WRAP53: variants seen among roughly 807,000 people sequenced by gnomAD.
WRAP53 encodes the protein telomerase Cajal body protein 1.
Under a neutral mutation model 56.6 loss-of-function variants are expected in WRAP53, and 28 were observed. That is an observed-to-expected ratio of 0.50 (90% CI 0.37 to 0.68). The LOEUF (loss-of-function observed/expected upper bound fraction) is 0.68, where lower values mean the gene tolerates loss of function less well. Among genes scored for constraint, WRAP53 ranks in the 30% least tolerant of loss-of-function variants. The probability of loss-of-function intolerance (pLI) is 0.00; values close to 1 mark genes in which losing one functional copy is unlikely to be tolerated. For missense variants in WRAP53, 671 were observed against 715.5 expected, an observed-to-expected ratio of 0.94 and a Z score of 0.71; for synonymous variants, 283 against 283.4, an observed-to-expected ratio of 1.00 and a Z score of 0.01.
chr17:7,686,903 C>G (rs1250647553), upstream of WRAP53: 1 of 156,726 alleles, frequency 6.4e-6, no homozygotes, highest in African/African-American at 2.4e-5. Context: ...GCAGCTTGGG[C>G]TCCCCGGATC....
In WRAP53 at chr17:7,702,145, G is replaced by A. The variant is rs914560721; in HGVS notation, c.956-199G>A. ...AGAACTGGGATTTGAGAGGGATGAA[G>A]TGGGGCTTGGGCATTTAGGTCCTTT... is the stretch of plus-strand genomic sequence containing the variant. On this transcript the variant is annotated intron_variant, in intron 7 of 10. Transcript: ENST00000396463. This position sits in a 1 kb window ranked among gnomAD's most constrained non-coding sequence, Gnocchi z 5.0. The A allele has an allele frequency of 1.6e-5, 11 of 707,004 alleles. No homozygotes were observed. The Middle Eastern group carries it at 7.1e-4, about 45-fold the overall frequency. The allele number at this position is 707,004 out of a possible 1,614,324, so 43.8% of individuals were successfully genotyped here. A position where few individuals can be genotyped will look rare whatever the true frequency, so the allele number is the denominator to read the frequency against.
At chr17:7,696,574 T>A (rs541093244) in intron 4 of WRAP53, among the ~76,000 whole-genome samples, 4 of 152,196 alleles carry the variant, frequency 2.6e-5, no homozygotes, top group South Asian at 2.1e-4. Flanking sequence ...CTGGGATTAC[T>A]GGCGTGAGCC....
intron 4 of WRAP53, among the ~76,000 whole-genome samples, 200 bp downstream of exon 4, chr17:7,689,901 G>GT (rs1355077477): frequency 1.3e-5 from 2 of 152,110 alleles, no homozygotes; most frequent in Admixed American, 6.6e-5. Context: ...AGGAATCTGT[G>GT]TTTTTTGCTA....
Position 7,702,039 on chromosome 17 carries a change from G to A in WRAP53, c.955+250G>A. ...TACCCTGTCAGCTGTGGAGCTTTTG[G>A]TCTCTGAAATCTTTCTAGAAAATTG... On this transcript the variant is annotated intron_variant, in intron 7 of 10. Transcript: ENST00000396463. This position sits in a 1 kb window ranked among gnomAD's most constrained non-coding sequence, Gnocchi z 5.0. The A allele has an allele frequency of 1.3e-6, 1 of 744,716 alleles. No homozygotes were observed. The allele number at this position is 744,716 out of a possible 1,614,324, so 46.1% of individuals were successfully genotyped here.
intron 5 of WRAP53, 73 bp downstream of exon 5, chr17:7,700,902 G>A: frequency 1.8e-6 from 2 of 1,116,590 alleles, no homozygotes; most frequent in African/African-American, 1.5e-5. Context: ...GAGAGTCAAG[G>A]GCTGCCAGGG....
At chr17:7,687,286 C>A, upstream of WRAP53, 1 of 398,610 alleles carries the variant, frequency 2.5e-6, no homozygotes, top group South Asian at 1.3e-4. Context: ...CTGCCCCACC[C>A]CCAGCCCCAG....
upstream of WRAP53, chr17:7,686,141 A>G (rs1004245519): frequency 6.6e-6 from 1 of 152,226 alleles, no homozygotes; most frequent in African/African-American, 2.4e-5. Flanking sequence ...GACCACACGG[A>G]CGCCTGCGGG....
chr17:7,701,941 C>A lies in WRAP53; in HGVS notation c.955+152C>A. The stretch of plus-strand genomic sequence containing the variant: ...GCAGCCCAGTCGGCAGAGGAGCAAA[C>A]AGGCTCAGAGCAGGTAGGAAACCTT... On this transcript the variant is annotated intron_variant, in intron 7 of 10. Coordinates refer to ENST00000396463, the MANE Select transcript of WRAP53 (RefSeq NM_001143992.2). The surrounding 1 kb of genome is among the most constrained non-coding windows in gnomAD (Gnocchi z 4.2). 1 of 1,329,704 alleles carries A rather than the reference C, an allele frequency of 7.5e-7. No individual in the cohort carries two copies. Among genetic ancestry groups the A allele is most frequent in the Non-Finnish European group, 1.0e-6 (1 of 958,512 alleles). 82.4% of individuals were successfully genotyped at this position (1,329,704 alleles called of 1,614,324 possible).
At chr17:7,692,651 A>G (rs900062760) in intron 4 of WRAP53, among the ~76,000 whole-genome samples, 1 of 145,368 alleles carries the variant, frequency 6.9e-6, no homozygotes, top group Non-Finnish European at 1.5e-5. Context: ...AAGATTGGCT[A>G]TAGTTTTCTC....
chr17:7,697,503 A>T (rs1170741236), intron 4 of WRAP53, among the ~76,000 whole-genome samples: 1 of 151,888 alleles, frequency 6.6e-6, no homozygotes, highest in Non-Finnish European at 1.5e-5. Context: ...ACTAAAAAGT[A>T]TAAAAATTAG....
chr17:7,699,468 A>ATT (rs1567577284), intron 4 of WRAP53, among the ~76,000 whole-genome samples: 47 of 15,480 alleles, frequency 3.0e-3, no homozygotes, highest in Non-Finnish European at 4.6e-3. Flanking sequence ...TTATATATAT[A>ATT]TATATATTTA....
At chr17:7,691,794 G>C (rs944409373) in intron 4 of WRAP53, among the ~76,000 whole-genome samples, 6 of 151,920 alleles carry the variant, frequency 3.9e-5, no homozygotes, top group African/African-American at 1.2e-4. Context: ...CAAAGTGCTA[G>C]GATTACAGGC....
rs1180758279 is a variant in WRAP53 at position 7,702,847 on chromosome 17, G to A, written c.1268+1G>A. ...AGCGCATCTACTTCGATCTGGACCCGTGAGTGGCTGTGACTCCTTCCTACA... is the reference window on the plus strand; with the variant it reads ...AGCGCATCTACTTCGATCTGGACCCATGAGTGGCTGTGACTCCTTCCTACA... On this transcript the variant is annotated splice_donor_variant, in intron 9 of 10. Transcript: ENST00000396463. LOFTEE classifies it high-confidence loss of function. The surrounding 1 kb of genome is among the most constrained non-coding windows in gnomAD (Gnocchi z 5.0). 5 of 1,613,804 alleles carry A rather than the reference G, an allele frequency of 3.1e-6. No homozygotes were observed. Among genetic ancestry groups the A allele is most frequent in the African/African-American group, 1.3e-5 (1 of 75,014 alleles).
In WRAP53 at chr17:7,701,313, C is replaced by T. The variant is rs1157948636; in HGVS notation, c.732-146C>T. The T allele has an allele frequency of 2.4e-6, 2 of 830,300 alleles. No individual in the cohort carries two copies. The highest frequency in any genetic ancestry group is 4.1e-6 in the Non-Finnish European group (2 of 484,092). The allele number at this position is 830,300 out of a possible 1,614,324, so 51.4% of individuals were successfully genotyped here. On this transcript the variant is annotated intron_variant, in intron 5 of 10. Transcript: ENST00000396463. This position sits in a 1 kb window ranked among gnomAD's most constrained non-coding sequence, Gnocchi z 4.2. ...AGAGACAGGGTTTCACCATGTTGGCCAGGCTGGTCTCGAACTCCTGACCTC... is the reference window on the plus strand; with the variant it reads ...AGAGACAGGGTTTCACCATGTTGGCTAGGCTGGTCTCGAACTCCTGACCTC...
chr17:7,701,502 G>C lies in WRAP53; in HGVS notation c.775G>C (p.Ala259Pro), dbSNP rs566444649. The C allele has an allele frequency of 6.2e-7, 1 of 1,614,224 alleles. No individual in the cohort carries two copies. Among genetic ancestry groups the C allele is most frequent in the South Asian group, 1.1e-5 (1 of 91,088 alleles). The stretch of plus-strand genomic sequence containing the variant: ...GGAGAACCCGATTCATATCTGGGAC[G>C]CATTCACTGGAGAGCTCCGGGCTTC... The part of the protein sequence containing the change: ...SRENPIHIWD[A>P]FTGELRASFR... Residue 259 changes from alanine to proline, a missense_variant, in exon 6 of 11, where the codon GCA becomes CCA. Transcript: ENST00000396463. The surrounding 1 kb of genome is among the most constrained non-coding windows in gnomAD (Gnocchi z 4.2).
intron 3 of WRAP53, 89 bp from the exon 4 acceptor site, chr17:7,689,501 G>A (rs1472830080): frequency 2.2e-6 from 3 of 1,376,578 alleles, no homozygotes; most frequent in East Asian, 2.3e-5. Context: ...ATTCAGGGGG[G>A]CTTACCTACC....
At position 7,703,346 on chromosome 17, in the gene WRAP53, C is replaced by T. The variant is rs1489158650; in HGVS notation, c.1507C>T (p.Leu503Phe). Residue 503 changes from leucine to phenylalanine, a missense_variant, in exon 11 of 11, where the codon CTC becomes TTC. Around this residue, in one of 3 missense-constraint regions of WRAP53, gnomAD observed 107 missense variants for 81.3 expected, o/e 1.32. Transcript: ENST00000396463. ...DEGEELGLPL[L>F]STRHVHLECR... ...AGGAGAGGAGCTGGGCCTTCCCTTG[C>T]TCTCCACGCGCCACGTCCACCTTGA... The T allele has an allele frequency of 2.5e-6, 4 of 1,614,018 alleles. No homozygotes were observed. The highest frequency in any genetic ancestry group is 1.3e-5 in the African/African-American group (1 of 74,972).
Position 7,703,392 on chromosome 17 carries a change from GGT to G in WRAP53, c.1557_1558del (p.Cys519TrpfsTer10), listed in dbSNP as rs1279807984. 6.8e-6 allele frequency: 11 copies of G among 1,613,776 alleles called. No homozygotes were observed. The highest frequency in any genetic ancestry group is 9.3e-6 in the Non-Finnish European group (11 of 1,179,816). On this transcript the variant is annotated frameshift_variant, in exon 11 of 11. Transcript: ENST00000396463. LOFTEE classifies it low-confidence loss of function (END_TRUNC). ...CTTGAATGTCGGCTTCAGCTCTGGT[GGT>G]GTGGGGGGGCGCCAGACTCCAGCAT...
Position 7,695,586 on chromosome 17 carries a change from C to T in WRAP53, c.643-5155C>T, listed in dbSNP as rs548870512. 1.4e-4 allele frequency among the ~76,000 whole-genome samples: 22 copies of T among 152,248 alleles called. No homozygotes were observed. The East Asian group carries it at 4.1e-3, about 28-fold the overall frequency. The stretch of plus-strand genomic sequence containing the variant: ...CAAATGCTGTAGCCACACAATTGCT[C>T]TTTCGTCTTTGTGAAACTTTTCCCT... On this transcript the variant is annotated intron_variant, in intron 4 of 10. Transcript: ENST00000396463.
Sources: gnomAD v4.1 joint callset for allele counts (sites outside exome capture counted in the v4.1 genomes callset) on GRCh38, gnomAD v4.1.1 for gene constraint, gnomAD v4.1.1 regional missense constraint, Gnocchi (gnomAD v3.1) non-coding constraint, MANE v1.5 for transcripts, NCBI Gene and HGNC (gene_info 2026-07-23, HGNC 2026-07-21) for gene names.